The following SASH1 variants were observed in gnomAD, a reference collection of about 807,000 sequenced individuals.
SASH1 encodes SAM and SH3 domain-containing protein 1.
A neutral mutation model predicts 125.2 loss-of-function variants in SASH1; 44 were observed. The observed-to-expected ratio is 0.35, with a 90% CI of 0.28 to 0.45. The LOEUF (loss-of-function observed/expected upper bound fraction) is 0.45, where lower values mean the gene tolerates loss of function less well. Ranked by LOEUF, SASH1 falls within the 20% of genes least tolerant of loss-of-function variation. SASH1 has a pLI of 1.00. For synonymous variants in SASH1, 639 were observed against 649.1 expected, an observed-to-expected ratio of 0.98 and a Z score of 0.24; for missense variants, 1,426 against 1,614.5, an observed-to-expected ratio of 0.88 and a Z score of 2.00.
chr6:148,199,688 C>A, the SASH1 span, among the ~76,000 whole-genome samples: 1 of 149,552 alleles, frequency 6.7e-6, no homozygotes, highest in Non-Finnish European at 1.5e-5. Context: ...CAGAGCAAGA[C>A]TTTGTCTTGG....
At chr6:148,277,309 C>T (rs893707008) in intron 1 of SASH1, among the ~76,000 whole-genome samples, 1 of 152,178 alleles carries the variant, frequency 6.6e-6, no homozygotes, top group African/African-American at 2.4e-5. Context: ...ATATACTTTC[C>T]AAAATACCAC....
chr6:148,325,435 C>T (rs1353522164), intron 1 of SASH1, among the ~76,000 whole-genome samples: 1 of 152,008 alleles, frequency 6.6e-6, no homozygotes, highest in African/African-American at 2.4e-5. Context: ...TGCCACCACG[C>T]CCAGCTAATT....
chr6:148,387,186 C>T (rs1304039626), intron 1 of SASH1, among the ~76,000 whole-genome samples: 2 of 146,314 alleles, frequency 1.4e-5, no homozygotes, highest in African/African-American at 2.5e-5. Context: ...GGCGCAATCT[C>T]GGCTCACTGC....
At chr6:148,304,566 C>T (rs978191128) in intron 1 of SASH1, among the ~76,000 whole-genome samples, 2 of 151,688 alleles carry the variant, frequency 1.3e-5, no homozygotes, top group Admixed American at 6.6e-5. Context: ...GCCGAGACCA[C>T]GCCACTGCAC....
the SASH1 span, among the ~76,000 whole-genome samples, chr6:148,240,252 A>G: frequency 6.6e-6 from 1 of 151,878 alleles, no homozygotes; most frequent in Non-Finnish European, 1.5e-5. Flanking sequence ...TTGTCCCCAC[A>G]CAGTGTTGAT....
At chr6:148,501,621 A>G (rs1042041097) in intron 8 of SASH1, among the ~76,000 whole-genome samples, 2 of 152,200 alleles carry the variant, frequency 1.3e-5, no homozygotes, top group African/African-American at 4.8e-5. Flanking sequence ...ATTTAATATG[A>G]AACAATACGT....
chr6:148,463,060 A>G (rs1004653466), intron 4 of SASH1, among the ~76,000 whole-genome samples: 7 of 152,048 alleles, frequency 4.6e-5, no homozygotes, highest in Non-Finnish European at 1.0e-4. Context: ...TCTTACGAGG[A>G]TCTCCACTGT....
At chr6:148,545,525 A>C (rs1782503129) in intron 18 of SASH1, among the ~76,000 whole-genome samples, 1 of 152,228 alleles carries the variant, frequency 6.6e-6, no homozygotes, top group Non-Finnish European at 1.5e-5. Context: ...ACAGTTGAAT[A>C]TCTGTAAAGC....
chr6:148,510,449 G>T (rs1780048623), intron 8 of SASH1, among the ~76,000 whole-genome samples: 1 of 152,166 alleles, frequency 6.6e-6, no homozygotes, highest in East Asian at 1.9e-4. Context: ...ATGTTTGAAT[G>T]TGTGTGAATA....
intron 1 of SASH1, among the ~76,000 whole-genome samples, chr6:148,368,804 ATT>A (rs1782593820): frequency 1.3e-5 from 2 of 149,270 alleles, no homozygotes; most frequent in Non-Finnish European, 3.0e-5. Flanking sequence ...ACGGGGTTCT[ATT>A]TGTTGTCTGA....
chr6:148,523,278 A>G (rs146735366), intron 10 of SASH1, among the ~76,000 whole-genome samples: 18 of 152,352 alleles, frequency 1.2e-4, no homozygotes, highest in Middle Eastern at 3.4e-3. Context: ...GTCACGGGAA[A>G]GGAACTAGAA....
the SASH1 span, among the ~76,000 whole-genome samples, chr6:148,223,958 CCAAGATTTTA>C: frequency 2.0e-5 from 3 of 152,134 alleles, no homozygotes; most frequent in Non-Finnish European, 4.4e-5. Flanking sequence ...TTTACCAGCA[CCAAGATTTTA>C]CAGAATTTTG....
At chr6:148,361,193 A>G (rs1316491323) in intron 1 of SASH1, among the ~76,000 whole-genome samples, 1 of 152,204 alleles carries the variant, frequency 6.6e-6, no homozygotes. Flanking sequence ...TGTAGTTTTA[A>G]GCCACCCAAT....
At chr6:148,536,795 T>C (rs1015767470) in intron 16 of SASH1, among the ~76,000 whole-genome samples, 9 of 152,208 alleles carry the variant, frequency 5.9e-5, no homozygotes, top group African/African-American at 2.2e-4. Flanking sequence ...GATCACATCC[T>C]GAGATTTTTG....
intron 1 of SASH1, among the ~76,000 whole-genome samples, chr6:148,288,634 A>G (rs80026417): frequency 0.036 from 5,445 of 151,890 alleles, 222 homozygotes; most frequent in Admixed American, 0.096. Context: ...CACCTCAGCA[A>G]ATCCCACGCC....
upstream of SASH1, among the ~76,000 whole-genome samples, chr6:148,271,690 A>G (rs993196472): frequency 1.3e-5 from 2 of 152,276 alleles, no homozygotes; most frequent in Non-Finnish European, 2.9e-5. Flanking sequence ...ATATCAGCCA[A>G]CTCTACAAAG....
In SASH1 at chr6:148,343,230, T is replaced by C; in HGVS notation, c.156+7T>C. The C allele has an allele frequency of 6.3e-7, 1 of 1,580,578 alleles. No homozygotes were observed. Among genetic ancestry groups the C allele is most frequent in the South Asian group, 1.1e-5 (1 of 89,164 alleles). On this transcript the variant is annotated splice_region_variant and intron_variant, in intron 1 of 19. Coordinates refer to ENST00000367467, the MANE Select transcript of SASH1 (RefSeq NM_015278.5). ...CGACGTGATGGGTATCCTGGTAAGTTACCTGGGGAGGGGGCGGCGCAGGAA... is the reference window on the plus strand; with the variant it reads ...CGACGTGATGGGTATCCTGGTAAGTCACCTGGGGAGGGGGCGGCGCAGGAA...
At chr6:148,265,975 CTT>C in the SASH1 span, among the ~76,000 whole-genome samples, 9 of 145,622 alleles carry the variant, frequency 6.2e-5, no homozygotes, top group East Asian at 2.0e-4. Flanking sequence ...TTCAGCAATT[CTT>C]TTTTTTTTTT....
chr6:148,264,765 A>G, the SASH1 span, among the ~76,000 whole-genome samples: 1 of 152,136 alleles, frequency 6.6e-6, no homozygotes, highest in Non-Finnish European at 1.5e-5. Context: ...TTGAGCTTAA[A>G]TGTCACCTCT....
Sources: gnomAD v4.1 joint callset for allele counts (sites outside exome capture counted in the v4.1 genomes callset) on GRCh38, gnomAD v4.1.1 for gene constraint, MANE v1.5 for transcripts, NCBI Gene and HGNC (gene_info 2026-07-23, HGNC 2026-07-21) for gene names.